RDH11: variants seen among roughly 807,000 people sequenced by gnomAD.
RDH11 encodes retinol dehydrogenase 11.
Under a neutral mutation model 33.4 loss-of-function variants are expected in RDH11, and 19 were observed. That is an observed-to-expected ratio of 0.57 (90% CI 0.40 to 0.83). RDH11 has a LOEUF of 0.83. Among genes scored for constraint, RDH11 ranks in the 40% least tolerant of loss-of-function variants. RDH11 has a pLI of 0.00. For synonymous variants in RDH11, 154 were observed against 155.3 expected (o/e 0.99, Z 0.06); for missense variants, 353 against 389.0 (o/e 0.91, Z 0.78).
chr14:67,686,638 CAAAA>C (rs34363764), intron 5 of RDH11, among the ~76,000 whole-genome samples: 13 of 80,196 alleles, frequency 1.6e-4, no homozygotes, highest in Admixed American at 2.8e-4. Flanking sequence ...GACACCGGTG[CAAAA>C]AAAAAAAAAA....
At chr14:67,694,196 A>C (rs1028390507) in intron 1 of RDH11, among the ~76,000 whole-genome samples, 10 of 152,156 alleles carry the variant, frequency 6.6e-5, no homozygotes, top group African/African-American at 2.4e-4. Context: ...AAATGCTGAC[A>C]GGGAGGCAGA....
chr14:67,691,068 C>T, intron 4 of RDH11, 72 bp downstream of exon 4: 1 of 967,570 alleles, frequency 1.0e-6, no homozygotes, highest in Non-Finnish European at 1.7e-6. Flanking sequence ...CAAGAAGCCT[C>T]AATCTGACCC....
intron 1 of RDH11, among the ~76,000 whole-genome samples, chr14:67,694,003 A>T (rs777995568): frequency 2.0e-5 from 3 of 152,128 alleles, no homozygotes; most frequent in Non-Finnish European, 4.4e-5. Flanking sequence ...AAATGAATGA[A>T]TGCACAAACA....
At chr14:67,687,621 G>A (rs959544615) in intron 5 of RDH11, among the ~76,000 whole-genome samples, 3 of 151,646 alleles carry the variant, frequency 2.0e-5, no homozygotes, top group African/African-American at 4.9e-5. Flanking sequence ...ACAGGCACAC[G>A]CCAACATGCC....
intron 1 of RDH11, 91 bp downstream of exon 1, chr14:67,695,539 A>G: frequency 7.8e-7 from 1 of 1,287,744 alleles, no homozygotes; most frequent in Non-Finnish European, 1.1e-6. Flanking sequence ...CCCCCAGGGG[A>G]GTTTTCCAAG....
intron 6 of RDH11, among the ~76,000 whole-genome samples, chr14:67,679,409 T>TG (rs374847920): frequency 5.3e-5 from 8 of 151,844 alleles, no homozygotes; most frequent in South Asian, 2.1e-4. Context: ...TCCAAGTTTT[T>TG]TTTTTTTTTT....
chr14:67,689,164 T>C lies in RDH11; in HGVS notation c.664+1048A>G, dbSNP rs376334956. Among the ~76,000 whole-genome samples, 46 of 152,314 alleles carry C rather than the reference T, an allele frequency of 3.0e-4. 1 individual carries two copies. The highest frequency in any genetic ancestry group is 1.1e-3 in the African/African-American group (45 of 41,580). ...GTTACCCTTATCTATCCTAAACTGA[T>C]AAAAGATGTCATGCCCTGGGCACAG... On this transcript the variant is annotated intron_variant, in intron 5 of 6. Transcript: ENST00000381346.
intron 6 of RDH11, among the ~76,000 whole-genome samples, chr14:67,684,128 A>G (rs2037647307): frequency 6.6e-6 from 1 of 151,710 alleles, no homozygotes; most frequent in Non-Finnish European, 1.5e-5. Flanking sequence ...CAAAGTTGCT[A>G]AAGCACAGAC....
intron 6 of RDH11, among the ~76,000 whole-genome samples, chr14:67,679,465 G>GCGAT (rs975875889): frequency 1.8e-4 from 27 of 147,648 alleles, no homozygotes; most frequent in African/African-American, 6.5e-4. Context: ...GTGCAGTGAT[G>GCGAT]CGATCTCAGC....
intron 5 of RDH11, among the ~76,000 whole-genome samples, chr14:67,687,304 C>G (rs1254229144): frequency 6.6e-6 from 1 of 152,114 alleles, no homozygotes; most frequent in African/African-American, 2.4e-5. Flanking sequence ...ACTGTGGCCT[C>G]TAAGGGTTTG....
rs771726877 is a variant in RDH11, at chr14:67,678,193, C to G, written c.*128G>C. On this transcript the variant is annotated 3_prime_UTR_variant, in exon 7 of 7. Coordinates refer to ENST00000381346, the MANE Select transcript of RDH11 (RefSeq NM_016026.4). Reference sequence around the variant, plus strand: ...CACTGAGTTTTAACTGGACACCAAGCAGGCAAGGCTGGAAGGTTTTGCTCT... The same window carrying G: ...CACTGAGTTTTAACTGGACACCAAGGAGGCAAGGCTGGAAGGTTTTGCTCT... 106 of 636,090 alleles carry G rather than the reference C, an allele frequency of 1.7e-4. No homozygotes were observed. Among genetic ancestry groups the G allele is most frequent in the Non-Finnish European group, 2.6e-4 (91 of 353,276 alleles). The allele number at this position is 636,090 out of a possible 1,614,324, so 39.4% of individuals were successfully genotyped here. A position where few individuals can be genotyped will look rare whatever the true frequency, so the allele number is the denominator to read the frequency against.
intron 5 of RDH11, among the ~76,000 whole-genome samples, 182 bp from the exon 6 acceptor site, chr14:67,685,386 GAGT>G (rs2037665633): frequency 6.6e-6 from 1 of 152,160 alleles, no homozygotes; most frequent in East Asian, 1.9e-4. Flanking sequence ...GAAGGCTCTA[GAGT>G]AGACAGTGCT....
chr14:67,685,580 C>A (rs1052537745), intron 5 of RDH11, among the ~76,000 whole-genome samples: 3 of 152,132 alleles, frequency 2.0e-5, no homozygotes, highest in African/African-American at 7.2e-5. Context: ...ACCTTGGCCT[C>A]CCAAAGTATT....
chr14:67,683,961 G>C (rs1335113764), intron 6 of RDH11, among the ~76,000 whole-genome samples: 2 of 152,184 alleles, frequency 1.3e-5, no homozygotes, highest in Non-Finnish European at 2.9e-5. Context: ...ATTCAGGCTT[G>C]AAATTCAGGT....
At chr14:67,684,941 G>A in intron 6 of RDH11, 74 bp downstream of exon 6, 2 of 1,226,016 alleles carry the variant, frequency 1.6e-6, no homozygotes, top group East Asian at 2.4e-5. Flanking sequence ...TTTAAAAAAG[G>A]GTATACCCAG....
chr14:67,690,811 T>C (rs2037739903), intron 4 of RDH11: 2 of 369,088 alleles, frequency 5.4e-6, no homozygotes, highest in Non-Finnish European at 9.9e-6. Context: ...AGCAAGACCC[T>C]GTCTTTACAA....
intron 1 of RDH11, among the ~76,000 whole-genome samples, chr14:67,693,353 C>G (rs1451234378): frequency 6.6e-6 from 1 of 152,170 alleles, no homozygotes; most frequent in Admixed American, 6.5e-5. Context: ...CTCTCTAAGG[C>G]ACTTGTGACT....
At chr14:67,684,519 C>T (rs745496099) in intron 6 of RDH11, 2 of 151,910 alleles carry the variant, frequency 1.3e-5, no homozygotes, top group African/African-American at 2.4e-5. Flanking sequence ...TAAATGTCTT[C>T]GCTTATTTGA....
In RDH11 at chr14:67,685,044, A is replaced by G. The variant is rs754054639; in HGVS notation, c.825T>C (p.Gly275=). 2 of 1,612,330 alleles carry G rather than the reference A, an allele frequency of 1.2e-6. No individual in the cohort carries two copies. The part of the protein sequence containing the change: ...QTSLHCALTE[G]LEILSGNHFS... ...AATGATTCCCACTTAGAATCTCAAG[A>G]CCTTCTGTTAAGGCACAGTGCAGGC... The change falls in exon 6 of 7, where the codon GGT becomes GGC. Residue 275 remains glycine (G), a synonymous_variant. Coordinates refer to ENST00000381346, the MANE Select transcript of RDH11 (RefSeq NM_016026.4).
Sources: gnomAD v4.1 joint callset for allele counts (sites outside exome capture counted in the v4.1 genomes callset) on GRCh38, gnomAD v4.1.1 for gene constraint, MANE v1.5 for transcripts, NCBI Gene and HGNC (gene_info 2026-07-23, HGNC 2026-07-21) for gene names.